Variants in CTIF observed in about 807,000 individuals in gnomAD.
The protein encoded by CTIF is CBP80/20-dependent translation initiation factor.
A neutral mutation model predicts 66.0 loss-of-function variants in CTIF; 21 were observed. That is an observed-to-expected ratio of 0.32 (90% CI 0.23 to 0.46). CTIF has a LOEUF of 0.46. Among genes scored for constraint, CTIF ranks in the 20% least tolerant of loss-of-function variants. The probability of loss-of-function intolerance (pLI) is 1.00; values close to 1 mark genes in which losing one functional copy is unlikely to be tolerated. For missense variants in CTIF, 739 were observed against 812.7 expected (o/e 0.91, Z 1.10); for synonymous variants, 345 against 326.4 (o/e 1.06, Z -0.62).
At chr18:48,715,037 C>T (rs575645632) in intron 7 of CTIF, among the ~76,000 whole-genome samples, 5 of 152,274 alleles carry the variant, frequency 3.3e-5, no homozygotes, top group African/African-American at 4.8e-5. Context: ...GCAGCAAACC[C>T]GGAAAGCCTT....
At chr18:48,592,818 G>T (rs560303638) in intron 1 of CTIF, among the ~76,000 whole-genome samples, 1 of 152,224 alleles carries the variant, frequency 6.6e-6, no homozygotes, top group Non-Finnish European at 1.5e-5. Flanking sequence ...CCTGCCTGCC[G>T]TTCACAGGTG....
At chr18:48,854,579 C>T (rs1038944449) in intron 10 of CTIF, among the ~76,000 whole-genome samples, 2 of 152,090 alleles carry the variant, frequency 1.3e-5, no homozygotes, top group Admixed American at 1.3e-4. Flanking sequence ...TGGCCAGGTC[C>T]CTCAATGTCC....
rs537496999 is a variant in CTIF, at chr18:48,675,611, C to T, written c.507+4867C>T. Among the ~76,000 whole-genome samples, 47 of 152,296 alleles carry T rather than the reference C, an allele frequency of 3.1e-4. No homozygotes were observed. In the South Asian group the frequency reaches 3.9e-3, roughly 13 times the overall value. On this transcript the variant is annotated intron_variant, in intron 6 of 11. Transcript: ENST00000256413. ...CTCCCTGCAGCAAGTGGGAGGATGG[C>T]GAGGTGCAAGAGGCAGCCACACTAA...
intron 1 of CTIF, among the ~76,000 whole-genome samples, chr18:48,591,647 G>C (rs1315837162): frequency 6.6e-6 from 1 of 152,230 alleles, no homozygotes; most frequent in African/African-American, 2.4e-5. Flanking sequence ...GGTAGGCAGG[G>C]CCAGTACTTG....
chr18:48,644,378 C>A (rs906706005), intron 3 of CTIF, among the ~76,000 whole-genome samples: 2 of 152,196 alleles, frequency 1.3e-5, no homozygotes, highest in African/African-American at 4.8e-5. Flanking sequence ...TGGGACATGA[C>A]ACAGTGGTCC....
intron 6 of CTIF, among the ~76,000 whole-genome samples, chr18:48,702,789 C>T (rs752606865): frequency 8.5e-5 from 13 of 152,190 alleles, no homozygotes. Flanking sequence ...GTCAACTTCT[C>T]TGAATAGCTG....
intron 1 of CTIF, among the ~76,000 whole-genome samples, chr18:48,589,267 CAG>C (rs1491405643): frequency 6.6e-6 from 1 of 152,182 alleles, no homozygotes; most frequent in Non-Finnish European, 1.5e-5. Flanking sequence ...TGAGGGCCGT[CAG>C]GGGGAGTCTG....
intron 1 of CTIF, among the ~76,000 whole-genome samples, chr18:48,607,298 G>A (rs767360105): frequency 6.6e-6 from 1 of 152,152 alleles, no homozygotes; most frequent in Non-Finnish European, 1.5e-5. Context: ...GCTGGGCACC[G>A]GATCAAGTCT....
At chr18:48,708,117 C>T (rs1473011337) in intron 6 of CTIF, among the ~76,000 whole-genome samples, 1 of 152,202 alleles carries the variant, frequency 6.6e-6, no homozygotes, top group East Asian at 1.9e-4. Flanking sequence ...ATCCAGTCAT[C>T]AGTGGACGGG....
chr18:48,663,503 C>T (rs1055555352), intron 3 of CTIF, among the ~76,000 whole-genome samples: 1 of 152,058 alleles, frequency 6.6e-6, no homozygotes, highest in African/African-American at 2.4e-5. Context: ...AGGAGAGAGC[C>T]ATGGGCCTGG....
chr18:48,671,880 A>G lies in CTIF; in HGVS notation c.507+1136A>G, dbSNP rs931830122. On this transcript the variant is annotated intron_variant, in intron 6 of 11. Coordinates refer to ENST00000256413, the MANE Select transcript of CTIF (RefSeq NM_014772.3). ...TTGCTATTTCTTCAAGTTCACTAAT[A>G]TTTTATTCCAGTGTCAAATCTACTG... Among the ~76,000 whole-genome samples, 4 of 139,334 alleles carry G rather than the reference A, an allele frequency of 2.9e-5. No individual in the cohort carries two copies. In the Admixed American group the frequency reaches 3.2e-4, roughly 11 times the overall value. 91.4% of individuals were successfully genotyped at this position (139,334 alleles called of 152,430 possible). A position where few individuals can be genotyped will look rare whatever the true frequency, so the allele number is the denominator to read the frequency against.
At chr18:48,733,369 C>T (rs1598946335) in intron 7 of CTIF, among the ~76,000 whole-genome samples, 1 of 152,300 alleles carries the variant, frequency 6.6e-6, no homozygotes, top group South Asian at 2.1e-4. Flanking sequence ...TGTGCATTAA[C>T]CCTGCAGATC....
chr18:48,543,613 C>T (rs192689236), intron 1 of CTIF, among the ~76,000 whole-genome samples: 5 of 152,252 alleles, frequency 3.3e-5, no homozygotes, highest in Admixed American at 1.3e-4. Context: ...CTTGGATCTC[C>T]GGCACCCAGA....
At chr18:48,744,415 C>T (rs1422950277) in intron 7 of CTIF, among the ~76,000 whole-genome samples, 3 of 152,164 alleles carry the variant, frequency 2.0e-5, no homozygotes, top group Admixed American at 2.0e-4. Flanking sequence ...TTAACTAAAT[C>T]CTGCTTATTT....
intron 7 of CTIF, among the ~76,000 whole-genome samples, chr18:48,721,756 CCT>C (rs796528926): frequency 6.6e-6 from 1 of 151,478 alleles, no homozygotes; most frequent in East Asian, 1.9e-4. Flanking sequence ...TGCATCCCCC[CCT>C]CTCTGTCCTG....
At chr18:48,639,825 G>A (rs1333156184) in intron 3 of CTIF, among the ~76,000 whole-genome samples, 4 of 152,278 alleles carry the variant, frequency 2.6e-5, no homozygotes, top group Admixed American at 6.5e-5. Flanking sequence ...GCCCATGGTG[G>A]CTCATACCCA....
At chr18:48,661,786 G>A (rs527969897) in intron 3 of CTIF, 1 of 152,222 alleles carries the variant, frequency 6.6e-6, no homozygotes, top group African/African-American at 2.4e-5. Context: ...TACAGGGCAT[G>A]GTATTTCATT....
intron 9 of CTIF, among the ~76,000 whole-genome samples, chr18:48,816,898 G>T (rs1366976944): frequency 6.6e-6 from 1 of 152,206 alleles, no homozygotes; most frequent in Admixed American, 6.5e-5. Context: ...TCTGGGGAGG[G>T]TGTCACCTCC....
At chr18:48,674,171 A>G (rs927248599) in intron 6 of CTIF, among the ~76,000 whole-genome samples, 4 of 152,238 alleles carry the variant, frequency 2.6e-5, no homozygotes, top group Admixed American at 1.3e-4. Context: ...ATCACATAAG[A>G]TACAGTTCCC....
Sources: gnomAD v4.1 joint callset for allele counts (sites outside exome capture counted in the v4.1 genomes callset) on GRCh38, gnomAD v4.1.1 for gene constraint, MANE v1.5 for transcripts, NCBI Gene and HGNC (gene_info 2026-07-23, HGNC 2026-07-21) for gene names.